Variants in CTNNBL1 observed in about 807,000 individuals in gnomAD.
CTNNBL1 encodes the protein catenin beta like 1.
CTNNBL1 carries 31 observed loss-of-function variants against 72.7 expected under a neutral mutation model. The ratio of observed to expected loss-of-function variants is 0.43; its 90% CI spans 0.32 to 0.58. The LOEUF is 0.58. Ranked by LOEUF, CTNNBL1 falls within the 20% of genes least tolerant of loss-of-function variation. The pLI, the probability that CTNNBL1 is intolerant of heterozygous loss-of-function variation, is 0.08. For missense variants in CTNNBL1, 534 were observed against 725.1 expected, an observed-to-expected ratio of 0.74 and a Z score of 3.03; for synonymous variants, 240 against 267.3, an observed-to-expected ratio of 0.90 and a Z score of 1.00.
chr20:37,763,263 A>G (rs888651512), intron 5 of CTNNBL1, among the ~76,000 whole-genome samples: 4 of 152,208 alleles, frequency 2.6e-5, no homozygotes, highest in Admixed American at 2.6e-4. Context: ...CCAGTTAATT[A>G]AGGAAAACAC....
At chr20:37,724,566 T>A (rs11696212) in intron 1 of CTNNBL1, among the ~76,000 whole-genome samples, 1,932 of 152,016 alleles carry the variant, frequency 0.013, 23 homozygotes, top group Middle Eastern at 0.034. Context: ...ACTGGAGGTG[T>A]TAGGAAAGCC....
At chr20:37,707,007 A>T (rs985256576) in intron 1 of CTNNBL1, among the ~76,000 whole-genome samples, 1 of 149,760 alleles carries the variant, frequency 6.7e-6, no homozygotes, top group African/African-American at 2.4e-5. Flanking sequence ...TTTGGAAGAA[A>T]TTTTTTTTTT....
chr20:37,712,604 A>G (rs145592941), intron 1 of CTNNBL1, among the ~76,000 whole-genome samples: 46 of 152,370 alleles, frequency 3.0e-4, no homozygotes, highest in African/African-American at 1.1e-3. Flanking sequence ...GTGAATGGCT[A>G]CTTTTTGTGT....
At chr20:37,819,834 T>A (rs1285680050) in intron 11 of CTNNBL1, among the ~76,000 whole-genome samples, 1 of 151,416 alleles carries the variant, frequency 6.6e-6, no homozygotes, top group Non-Finnish European at 1.5e-5. Context: ...TTGAGTGTCA[T>A]CTTTAAAATC....
intron 11 of CTNNBL1, among the ~76,000 whole-genome samples, chr20:37,835,916 C>T (rs138311988): frequency 8.1e-4 from 124 of 152,238 alleles, no homozygotes; most frequent in African/African-American, 2.9e-3. Flanking sequence ...TGAAAATGTA[C>T]ACAAGGTACC....
At chr20:37,784,255 T>G (rs2073652459) in intron 10 of CTNNBL1, among the ~76,000 whole-genome samples, 1 of 152,190 alleles carries the variant, frequency 6.6e-6, no homozygotes, top group East Asian at 1.9e-4. Context: ...AGGTGAAGTG[T>G]GTTTCTTGTA....
At position 37,732,971 on chromosome 20, in the gene CTNNBL1, T is replaced by C; in HGVS notation, c.123T>C (p.Tyr41=). The C allele has an allele frequency of 6.2e-7, 1 of 1,613,934 alleles. No individual in the cohort carries two copies. The highest frequency in any genetic ancestry group is 8.5e-7 in the Non-Finnish European group (1 of 1,179,996). Residue 41 remains tyrosine (Y), a synonymous_variant, in exon 2 of 16, where the codon TAT becomes TAC. Transcript: ENST00000361383. ...CTGGTACTCGAGAACGCGGCCGCTA[T>C]CGGGAAGAAGAAATGACTGTGGTGG... is the stretch of plus-strand genomic sequence containing the variant. The part of the protein sequence containing the change: ...KQTGTRERGR[Y]REEEMTVVEE...
chr20:37,698,944 G>T (rs1257517120), intron 1 of CTNNBL1, among the ~76,000 whole-genome samples: 1 of 152,146 alleles, frequency 6.6e-6, no homozygotes, highest in Non-Finnish European at 1.5e-5. Context: ...TACTTAGGAG[G>T]CTGAGGAGGG....
In CTNNBL1 at chr20:37,784,212, A is replaced by G. The variant is rs567350681; in HGVS notation, c.1031+4877A>G. Among the ~76,000 whole-genome samples the G allele has an allele frequency of 1.7e-4, 26 of 151,848 alleles. No homozygotes were observed. In the South Asian group the frequency reaches 5.4e-3, roughly 32 times the overall value. On this transcript the variant is annotated intron_variant, in intron 10 of 15. Coordinates refer to ENST00000361383, the MANE Select transcript of CTNNBL1 (RefSeq NM_030877.5). Reference sequence around the variant, plus strand: ...TCATTTGCATAGAATATCTTTTTCCATCCTTTTATTTTCAGCCTATATGTG... The same window carrying G: ...TCATTTGCATAGAATATCTTTTTCCGTCCTTTTATTTTCAGCCTATATGTG...
rs11474436 is a variant in CTNNBL1, at chr20:37,815,076, A to AGTGTGTGTGTGTGT, written c.1213+12045_1213+12058dup. Among the ~76,000 whole-genome samples, 700 of 147,376 alleles carry AGTGTGTGTGTGTGT rather than the reference A, an allele frequency of 4.7e-3. 6 individuals are homozygous for AGTGTGTGTGTGTGT. The highest frequency in any genetic ancestry group is 0.013 in the African/African-American group (507 of 39,702). On this transcript the variant is annotated intron_variant, in intron 11 of 15. Transcript: ENST00000361383. ...CAAACACTATGTTAGGGACTCTGTG[A>AGTGTGTGTGTGTGT]GTGTGTGTGTGTGTGTGTGTGTGTG...
chr20:37,721,858 A>G (rs573584564), intron 1 of CTNNBL1, among the ~76,000 whole-genome samples: 30 of 152,190 alleles, frequency 2.0e-4, no homozygotes, highest in Admixed American at 5.9e-4. Context: ...TCTAGTGTCT[A>G]TGTCCCTAGG....
At chr20:37,840,665 T>C (rs1600521543) in intron 12 of CTNNBL1, among the ~76,000 whole-genome samples, 1 of 152,200 alleles carries the variant, frequency 6.6e-6, no homozygotes, top group Non-Finnish European at 1.5e-5. Flanking sequence ...AAGGTCTTAC[T>C]AAGGTGGTGG....
At chr20:37,759,407 G>C (rs2073394878) in intron 5 of CTNNBL1, among the ~76,000 whole-genome samples, 4 of 152,108 alleles carry the variant, frequency 2.6e-5, no homozygotes, top group Admixed American at 1.3e-4. Flanking sequence ...GGGAAGACGA[G>C]AGAGGAACAG....
chr20:37,859,839 T>TC, intron 13 of CTNNBL1, 60 bp from the exon 14 acceptor site: 1 of 1,573,086 alleles, frequency 6.4e-7, no homozygotes, highest in South Asian at 1.2e-5. Flanking sequence ...AGACTAGGAG[T>TC]CCATTCTTTC....
At chr20:37,833,430 A>G (rs1017628383) in intron 11 of CTNNBL1, among the ~76,000 whole-genome samples, 1 of 152,188 alleles carries the variant, frequency 6.6e-6, no homozygotes, top group African/African-American at 2.4e-5. Flanking sequence ...GGAGCCCAGC[A>G]GGCAGGGACT....
Position 37,768,061 on chromosome 20 carries a change from G to A in CTNNBL1, c.750+17G>A. 1 of 1,602,688 alleles carries A rather than the reference G, an allele frequency of 6.2e-7. No individual in the cohort carries two copies. On this transcript the variant is annotated intron_variant, in intron 7 of 15. Coordinates refer to ENST00000361383, the MANE Select transcript of CTNNBL1 (RefSeq NM_030877.5). ...AGGCTGAAGGTGAGTTTGGCTGTGG[G>A]GAACTGCAGCTCACACCTGTCTTTG...
At chr20:37,853,952 A>T (rs1489460610) in intron 13 of CTNNBL1, among the ~76,000 whole-genome samples, 6 of 152,248 alleles carry the variant, frequency 3.9e-5, no homozygotes, top group African/African-American at 7.2e-5. Flanking sequence ...GTCAGGGCAG[A>T]AACTTCATCT....
intron 10 of CTNNBL1, among the ~76,000 whole-genome samples, chr20:37,801,145 T>C (rs1209744782): frequency 6.6e-6 from 1 of 152,226 alleles, no homozygotes; most frequent in Non-Finnish European, 1.5e-5. Flanking sequence ...TTCCCAATCA[T>C]GTGAGAGTTA....
At chr20:37,708,213 G>A (rs1474461152) in intron 1 of CTNNBL1, among the ~76,000 whole-genome samples, 1 of 150,922 alleles carries the variant, frequency 6.6e-6, no homozygotes, top group African/African-American at 2.4e-5. Context: ...TGGAGGTAGA[G>A]TCTGGCTCTA....
Sources: allele counts gnomAD v4.1 joint callset (sites outside exome capture counted in the v4.1 genomes callset), GRCh38; gene constraint gnomAD v4.1.1; transcripts MANE v1.5; gene names NCBI Gene and HGNC (gene_info 2026-07-23, HGNC 2026-07-21).